The following CSN2 variants were observed in gnomAD, a reference collection of about 807,000 sequenced individuals.
CSN2 encodes beta-casein.
In CSN2, 27 loss-of-function variants were observed where a neutral mutation model predicts 27.3. The observed-to-expected ratio is 0.99, with a 90% CI of 0.73 to 1.36. The LOEUF (loss-of-function observed/expected upper bound fraction) is 1.36. Ranked by LOEUF, CSN2 falls within the 40% of genes most tolerant of loss-of-function variation. The probability of loss-of-function intolerance (pLI) is 0.00; values close to 1 mark genes in which losing one functional copy is unlikely to be tolerated. For synonymous variants in CSN2, 131 were observed against 94.8 expected (o/e 1.38, Z -2.22); for missense variants, 333 against 264.5 (o/e 1.26, Z -1.80).
intron 2 of CSN2, among the ~76,000 whole-genome samples, chr4:69,960,308 A>T (rs1723532371): frequency 1.3e-5 from 2 of 151,972 alleles, no homozygotes; most frequent in South Asian, 2.1e-4. Flanking sequence ...CTCTTTCACA[A>T]ATTTGAGAAA....
Position 69,957,287 on chromosome 4 carries a change from T to A in CSN2, c.662A>T (p.His221Leu). ...ATTTGGACTTACACTAATGGGGTTA[T>A]GAACTGGGGCAAGTGGCTGAGTCAC... Reference protein sequence around the residue: ...YPVTQPLAPVHNPISV With the variant: ...YPVTQPLAPVLNPISV The change falls in exon 6 of 8, where the codon CAT becomes CTT. Residue 221 changes from histidine to leucine, a missense_variant. By Grantham distance (99) the His-to-Leu change is moderately conservative. Coordinates refer to ENST00000353151, the MANE Select transcript of CSN2 (RefSeq NM_001891.4). The A allele has an allele frequency of 6.4e-7, 1 of 1,560,146 alleles. No individual in the cohort carries two copies.
At position 69,958,964 on chromosome 4, in the gene CSN2, A is replaced by G; in HGVS notation, c.100-11T>C. ...CTTCTCAACTTTCTGCTAAAGATAT[A>G]TCATATATAAAGATATGTTACCATC... On this transcript the variant is annotated splice_polypyrimidine_tract_variant and intron_variant, in intron 4 of 7. Coordinates refer to ENST00000353151, the MANE Select transcript of CSN2 (RefSeq NM_001891.4). 2 of 1,591,082 alleles carry G rather than the reference A, an allele frequency of 1.3e-6. No individual in the cohort carries two copies. The highest frequency in any genetic ancestry group is 1.7e-6 in the Non-Finnish European group (2 of 1,163,440).
Position 69,960,055 on chromosome 4 carries a change from C to A in CSN2, c.76G>T (p.Glu26Ter). The change falls in exon 3 of 8, where the codon GAG becomes TAG. Residue 26 changes from glutamate to a stop codon, truncating the protein, a stop_gained and splice_region_variant. Transcript: ENST00000353151. LOFTEE classifies it high-confidence loss of function. ...RETIESLSSS[E>*]ESITEYKQKV... Reference sequence around the variant, plus strand: ...AATTGGGTAGAATGTTAACTTACCTCACTGCTTGAAAGGCTTTCTATGGTC... The same window carrying A: ...AATTGGGTAGAATGTTAACTTACCTAACTGCTTGAAAGGCTTTCTATGGTC... 6.2e-7 allele frequency: 1 copy of A among 1,611,596 alleles called. No individual in the cohort carries two copies. The highest frequency in any genetic ancestry group is 8.5e-7 in the Non-Finnish European group (1 of 1,178,508).
chr4:69,956,226 C>T (rs1385447103), intron 7 of CSN2, 88 bp downstream of exon 7: 1 of 909,400 alleles, frequency 1.1e-6, no homozygotes, highest in African/African-American at 1.7e-5. Context: ...GAAATTTTCA[C>T]TGTATTGGAC....
In CSN2 at chr4:69,955,522, C is replaced by T. The variant is rs1241736920; in HGVS notation, c.*107G>A. ...TTCATTTTTTCCATATAAACTCATTCAAACATACTTAATTTGGGGTAACGT... is the reference window on the plus strand; with the variant it reads ...TTCATTTTTTCCATATAAACTCATTTAAACATACTTAATTTGGGGTAACGT... On this transcript the variant is annotated 3_prime_UTR_variant, in exon 8 of 8. Transcript: ENST00000353151. 6.6e-6 allele frequency: 1 copy of T among 152,346 alleles called. No homozygotes were observed. The highest frequency in any genetic ancestry group is 1.5e-5 in the Non-Finnish European group (1 of 67,926). The allele number at this position is 152,346 out of a possible 1,614,324, so 9.4% of individuals were successfully genotyped here.
chr4:69,956,211 T>C (rs948842887), intron 7 of CSN2, 103 bp downstream of exon 7: 2 of 712,790 alleles, frequency 2.8e-6, no homozygotes, highest in Non-Finnish European at 3.9e-6. Context: ...AGTTCTTGTA[T>C]GTATGAAATT....
At chr4:69,959,142 A>T (rs111785757) in intron 3 of CSN2, 73 bp from the exon 4 acceptor site, 1 of 1,081,988 alleles carries the variant, frequency 9.2e-7, no homozygotes, top group African/African-American at 1.6e-5. Flanking sequence ...TCAGGAAATA[A>T]AGGCATTAAT....
rs140813419 is a variant in CSN2 at position 69,960,015 on chromosome 4, A to T, written c.78+38T>A. The T allele has an allele frequency of 8.7e-4, 1,396 of 1,597,458 alleles. 16 individuals are homozygous for T. The African/African-American group carries it at 0.017, about 19-fold the overall frequency. ...TAACACCATAGAAAAATAGCACAGG[A>T]TTTTACTGTTCTAAAATTGGGTAGA... On this transcript the variant is annotated intron_variant, in intron 3 of 7. Coordinates refer to ENST00000353151, the MANE Select transcript of CSN2 (RefSeq NM_001891.4).
At chr4:69,960,015 A>G (rs140813419) in intron 3 of CSN2, 38 bp downstream of exon 3, 1 of 1,597,470 alleles carries the variant, frequency 6.3e-7, no homozygotes. Context: ...ATAGCACAGG[A>G]TTTTACTGTT....
At position 69,957,754 on chromosome 4, in the gene CSN2, G is replaced by C. The variant is rs1205548465; in HGVS notation, c.195C>G (p.Ile65Met). The change falls in exon 6 of 8, where the codon ATC (isoleucine) becomes ATG (methionine). Residue 65 changes from isoleucine to methionine, a missense_variant. Transcript: ENST00000353151. ...IYPSFQPQPL[I>M]YPFVEPIPYG... ...AGGGGATAGGTTCAACGAATGGATA[G>C]ATCAGAGGCTGTGGCTGGAAAGAGG... 1.9e-6 allele frequency: 3 copies of C among 1,613,826 alleles called. No individual in the cohort carries two copies. Among genetic ancestry groups the C allele is most frequent in the Admixed American group, 1.7e-5 (1 of 59,928 alleles).
rs140189537 is a variant in CSN2, at chr4:69,957,584, G to A, written c.365C>T (p.Thr122Met). 5.1e-4 allele frequency: 822 copies of A among 1,613,840 alleles called. 2 individuals carry two copies. Among genetic ancestry groups the A allele is most frequent in the Non-Finnish European group, 6.5e-4 (772 of 1,179,978 alleles). ...GATTTGAGGGTCAAAAAAGGGTATC[G>A]TTGGAGATTTAAGGACAGGCATCAC... is the stretch of plus-strand genomic sequence containing the variant. The part of the protein sequence containing the change: ...GRVMPVLKSP[T>M]IPFFDPQIPK... Residue 122 changes from threonine (T) to methionine (M), a missense_variant, in exon 6 of 8, where the codon ACG (threonine) becomes ATG (methionine). Coordinates refer to ENST00000353151, the MANE Select transcript of CSN2 (RefSeq NM_001891.4).
rs1364602796 is a variant in CSN2 at position 69,957,277 on chromosome 4, A to G, written c.672T>C (p.Ile224=). The change falls in exon 6 of 8, where the codon ATT becomes ATC. Residue 224 remains isoleucine, a synonymous_variant. Coordinates refer to ENST00000353151, the MANE Select transcript of CSN2 (RefSeq NM_001891.4). ...TQPLAPVHNP[I]SV ...AAGCCAGTAAATTTGGACTTACACT[A>G]ATGGGGTTATGAACTGGGGCAAGTG... 1.3e-6 allele frequency: 2 copies of G among 1,539,468 alleles called. No homozygotes were observed. The highest frequency in any genetic ancestry group is 8.7e-7 in the Non-Finnish European group (1 of 1,143,124).
rs1192932681 is a variant in CSN2 at position 69,957,690 on chromosome 4, G to T, written c.259C>A (p.Pro87Thr). The T allele has an allele frequency of 3.1e-6, 5 of 1,613,880 alleles. No individual in the cohort carries two copies. The highest frequency in any genetic ancestry group is 4.2e-6 in the Non-Finnish European group (5 of 1,180,002). The part of the protein sequence containing the change: ...LPQNILPLAQ[P>T]AVVLPVPQPE... Reference sequence around the variant, plus strand: ...TGAGGGACAGGCAGCACCACAGCAGGCTGAGCAAGAGGCAGAATGTTTTGT... The same window carrying T: ...TGAGGGACAGGCAGCACCACAGCAGTCTGAGCAAGAGGCAGAATGTTTTGT... Residue 87 changes from proline (P) to threonine (T), a missense_variant, in exon 6 of 8, where the codon CCT becomes ACT. By Grantham distance (38) the Pro-to-Thr change is conservative. Coordinates refer to ENST00000353151, the MANE Select transcript of CSN2 (RefSeq NM_001891.4).
chr4:69,965,408 C>A (rs889014731), intron 1 of CSN2, among the ~76,000 whole-genome samples: 14 of 88,106 alleles, frequency 1.6e-4, no homozygotes, highest in East Asian at 6.9e-4. Context: ...TAGCCTCATA[C>A]TATATATATA....
At chr4:69,957,959 C>T (rs1022718363) in intron 5 of CSN2, among the ~76,000 whole-genome samples, 155 bp from the exon 6 acceptor site, 8 of 152,036 alleles carry the variant, frequency 5.3e-5, no homozygotes, top group East Asian at 1.9e-4. Context: ...TTGAGTCATG[C>T]GAAGAAAAAT....
rs202195068 is a variant in CSN2, at chr4:69,960,122, C to A, written c.52-43G>T. The stretch of plus-strand genomic sequence containing the variant: ...TGACAACCAGCTAAATCTTCTAGAT[C>A]ATTAGAGAATTTTACTATTTTATGG... On this transcript the variant is annotated intron_variant, in intron 2 of 7. Transcript: ENST00000353151. 1,508 of 1,574,126 alleles carry A rather than the reference C, an allele frequency of 9.6e-4. 22 individuals carry two copies. In the South Asian group the frequency reaches 0.016, roughly 16 times the overall value.
intron 1 of CSN2, among the ~76,000 whole-genome samples, chr4:69,962,087 T>C (rs1288723190): frequency 1.3e-5 from 2 of 151,866 alleles, no homozygotes. Flanking sequence ...TAAAAGAGGA[T>C]ACAAACAAAT....
rs201700089 is a variant in CSN2 at position 69,957,854 on chromosome 4, C to T, written c.145-50G>A. On this transcript the variant is annotated intron_variant, in intron 5 of 7. Coordinates refer to ENST00000353151, the MANE Select transcript of CSN2 (RefSeq NM_001891.4). ...TGAGTCCTTGATTAAGCTATAATTG[C>T]CATTCATAATGAATTCATTTCTCTC... 4.6e-5 allele frequency: 66 copies of T among 1,449,618 alleles called. No homozygotes were observed. In the African/African-American group the frequency reaches 8.1e-4, roughly 18 times the overall value. The allele number at this position is 1,449,618 out of a possible 1,614,324, so 89.8% of individuals were successfully genotyped here.
intron 6 of CSN2, 39 bp downstream of exon 6, chr4:69,957,235 T>A (rs1278521599): frequency 1.3e-6 from 2 of 1,491,736 alleles, no homozygotes; most frequent in African/African-American, 1.4e-5. Context: ...CACATACACA[T>A]CTTGAATGAA....
Sources: gnomAD v4.1 joint callset for allele counts (sites outside exome capture counted in the v4.1 genomes callset) on GRCh38, gnomAD v4.1.1 for gene constraint, MANE v1.5 for transcripts, NCBI Gene and HGNC (gene_info 2026-07-23, HGNC 2026-07-21) for gene names.